CACNB2: variants seen among roughly 807,000 people sequenced by gnomAD.
The protein encoded by CACNB2 is calcium voltage-gated channel auxiliary subunit beta 2, also known as voltage-dependent L-type calcium channel subunit beta-2.
A neutral mutation model predicts 73.3 loss-of-function variants in CACNB2; 42 were observed. The observed-to-expected ratio is 0.57, with a 90% CI of 0.45 to 0.74. CACNB2 has a LOEUF of 0.74. Ranked by LOEUF, CACNB2 falls within the 30% of genes least tolerant of loss-of-function variation. The pLI, the probability that CACNB2 is intolerant of heterozygous loss-of-function variation, is 0.00. For missense variants in CACNB2, 940 were observed against 853.0 expected, an observed-to-expected ratio of 1.10 and a Z score of -1.27; for synonymous variants, 348 against 310.3, an observed-to-expected ratio of 1.12 and a Z score of -1.28.
intron 2 of CACNB2, among the ~76,000 whole-genome samples, chr10:18,276,399 A>G (rs1184591269): frequency 6.6e-6 from 1 of 152,186 alleles, no homozygotes; most frequent in African/African-American, 2.4e-5. Flanking sequence ...CCCACAAACA[A>G]GCAGCCAAAA....
At chr10:18,439,853 A>G (rs2132928274) in intron 3 of CACNB2, among the ~76,000 whole-genome samples, 1 of 152,312 alleles carries the variant, frequency 6.6e-6, no homozygotes, top group East Asian at 1.9e-4. Context: ...GGAACAGAGT[A>G]AACAAAACAA....
chr10:18,481,016 C>A (rs551132618), intron 3 of CACNB2, among the ~76,000 whole-genome samples: 1 of 151,246 alleles, frequency 6.6e-6, no homozygotes, highest in African/African-American at 2.4e-5. Flanking sequence ...ATCTGTTCCA[C>A]CCCTCTCTGT....
intron 3 of CACNB2, among the ~76,000 whole-genome samples, chr10:18,469,347 C>A (rs2048062555): frequency 6.6e-6 from 1 of 152,230 alleles, no homozygotes; most frequent in Admixed American, 6.5e-5. Context: ...TTTATCATTC[C>A]TTCCTTCACA....
chr10:18,431,895 G>A (rs56246534), intron 3 of CACNB2, among the ~76,000 whole-genome samples: 29 of 152,100 alleles, frequency 1.9e-4, no homozygotes, highest in Non-Finnish European at 2.8e-4. Context: ...CTCCTGAGTA[G>A]CTGGAACTGC....
chr10:18,531,194 G>A (rs1052303021), intron 10 of CACNB2, among the ~76,000 whole-genome samples: 1 of 152,166 alleles, frequency 6.6e-6, no homozygotes, highest in Non-Finnish European at 1.5e-5. Context: ...TCTCTACTCT[G>A]TTATTACAGT....
chr10:18,299,236 C>T (rs1462993214), intron 2 of CACNB2, among the ~76,000 whole-genome samples: 1 of 152,168 alleles, frequency 6.6e-6, no homozygotes, highest in Non-Finnish European at 1.5e-5. Context: ...TAATAGTTCT[C>T]TTTCTTTCTC....
At chr10:18,504,087 C>G (rs939028456) in intron 5 of CACNB2, among the ~76,000 whole-genome samples, 1 of 152,166 alleles carries the variant, frequency 6.6e-6, no homozygotes, top group Non-Finnish European at 1.5e-5. Context: ...GAGTAGAAAT[C>G]TTTCCCAAAA....
At chr10:18,273,134 G>A (rs2038127726) in intron 2 of CACNB2, among the ~76,000 whole-genome samples, 1 of 152,198 alleles carries the variant, frequency 6.6e-6, no homozygotes, top group Admixed American at 6.5e-5. Flanking sequence ...ATTGGGAACT[G>A]TGGCTGGGCT....
intron 3 of CACNB2, among the ~76,000 whole-genome samples, chr10:18,435,146 G>A (rs897172039): frequency 6.6e-6 from 1 of 152,138 alleles, no homozygotes; most frequent in Admixed American, 6.5e-5. Context: ...TCTGCCTTCT[G>A]CGTGTCACAC....
intron 2 of CACNB2, among the ~76,000 whole-genome samples, chr10:18,315,525 A>AAC (rs2040144746): frequency 7.5e-6 from 1 of 133,454 alleles, no homozygotes; most frequent in African/African-American, 2.8e-5. Flanking sequence ...AAAAAAAAAA[A>AAC]AAACTTTTTT....
chr10:18,442,988 ATATATATATG>A lies in CACNB2; in HGVS notation c.333+40947_333+40956del, dbSNP rs2046531311. Among the ~76,000 whole-genome samples, 5 of 23,756 alleles carry A rather than the reference ATATATATATG, an allele frequency of 2.1e-4. 1 individual carries two copies. Among genetic ancestry groups the A allele is most frequent in the East Asian group, 5.1e-3 (2 of 390 alleles). The allele number at this position is 23,756 out of a possible 152,430, so 15.6% of individuals were successfully genotyped here. ...TATATATGTGTATATATATATATGT[ATATATATATG>A]TGTATATATATATATGTATATATAT... On this transcript the variant is annotated intron_variant, in intron 3 of 13. Transcript: ENST00000324631.
chr10:18,222,762 C>A (rs1261012589), intron 2 of CACNB2, among the ~76,000 whole-genome samples: 1 of 152,054 alleles, frequency 6.6e-6, no homozygotes, highest in Non-Finnish European at 1.5e-5. Context: ...CATGGTAAAA[C>A]CCTGTCTCTA....
At chr10:18,249,106 G>A (rs945284317) in intron 2 of CACNB2, among the ~76,000 whole-genome samples, 1 of 152,088 alleles carries the variant, frequency 6.6e-6, no homozygotes, top group African/African-American at 2.4e-5. Flanking sequence ...CTCATTCTCG[G>A]TTAATGATCT....
chr10:18,214,090 A>T (rs116273167), intron 2 of CACNB2, among the ~76,000 whole-genome samples: 1,607 of 152,194 alleles, frequency 0.011, 31 homozygotes, highest in African/African-American at 0.036. Flanking sequence ...ATTTACCCCT[A>T]CACAACTGGA....
At chr10:18,476,036 C>CA (rs1277627492) in intron 3 of CACNB2, among the ~76,000 whole-genome samples, 7 of 152,198 alleles carry the variant, frequency 4.6e-5, no homozygotes, top group Non-Finnish European at 1.0e-4. Flanking sequence ...GCAGCATGGG[C>CA]TGCTTAACTG....
intron 6 of CACNB2, among the ~76,000 whole-genome samples, chr10:18,507,511 A>G (rs1262501351): frequency 6.6e-6 from 1 of 152,254 alleles, no homozygotes; most frequent in African/African-American, 2.4e-5. Flanking sequence ...TATGGAACAT[A>G]CTTATGCTAA....
chr10:18,383,639 T>C (rs374942424), intron 2 of CACNB2, among the ~76,000 whole-genome samples: 4 of 152,098 alleles, frequency 2.6e-5, no homozygotes, highest in Non-Finnish European at 5.9e-5. Context: ...TACATAAGTA[T>C]GTAGATGGTG....
intron 2 of CACNB2, among the ~76,000 whole-genome samples, chr10:18,338,317 A>G (rs1035994653): frequency 7.9e-5 from 12 of 152,342 alleles, no homozygotes; most frequent in African/African-American, 2.9e-4. Context: ...AAAGGTGTCA[A>G]CATCACTAAT....
chr10:18,436,308 T>C (rs2046134610), intron 3 of CACNB2, among the ~76,000 whole-genome samples: 1 of 152,230 alleles, frequency 6.6e-6, no homozygotes, highest in Admixed American at 6.5e-5. Context: ...CCATTTCAAG[T>C]ATACTTTGCT....
Sources: allele counts gnomAD v4.1 joint callset (sites outside exome capture counted in the v4.1 genomes callset), GRCh38; gene constraint gnomAD v4.1.1; transcripts MANE v1.5; gene names NCBI Gene and HGNC (gene_info 2026-07-23, HGNC 2026-07-21).